Variants in RAPGEF1 observed in about 807,000 individuals in gnomAD.
The protein encoded by RAPGEF1 is Rap guanine nucleotide exchange factor 1.
A neutral mutation model predicts 143.3 loss-of-function variants in RAPGEF1; 33 were observed. The observed-to-expected ratio is 0.23, with a 90% CI of 0.17 to 0.31. The LOEUF is 0.31. RAPGEF1 is among the 10% of genes least tolerant of loss of function. RAPGEF1 has a pLI of 1.00. For synonymous variants in RAPGEF1, 629 were observed against 676.5 expected (o/e 0.93, Z 1.09); for missense variants, 1,199 against 1,645.4 (o/e 0.73, Z 4.69).
chr9:131,652,527 TA>T (rs1200184337), intron 1 of RAPGEF1, among the ~76,000 whole-genome samples: 6 of 152,168 alleles, frequency 3.9e-5, no homozygotes, highest in African/African-American at 1.4e-4. Flanking sequence ...AAAAAATTAT[TA>T]TTTTTTTTTC....
At chr9:131,607,076 C>A (rs1957236779) in intron 12 of RAPGEF1, among the ~76,000 whole-genome samples, 1 of 152,228 alleles carries the variant, frequency 6.6e-6, no homozygotes, top group East Asian at 1.9e-4. Context: ...CCTCATCTCA[C>A]TCCTGTGATC....
In RAPGEF1 at chr9:131,588,816, C is replaced by T. The variant is rs779647493; in HGVS notation, c.3038G>A (p.Arg1013Gln). 5 of 1,612,840 alleles carry T rather than the reference C, an allele frequency of 3.1e-6. No individual in the cohort carries two copies. Among genetic ancestry groups the T allele is most frequent in the Middle Eastern group, 1.7e-4 (1 of 6,048 alleles). ...CATSSQPLAA[R>Q]GVAARPGTLH... ...GGCTTCTCACCTGGCTGCTACCCCC[C>T]GGGCTGCCAGGGGCTGGCTGGAGGT... The change falls in exon 20 of 27, where the codon CGG (arginine) becomes CAG (glutamine). Residue 1013 changes from arginine (R) to glutamine (Q), a missense_variant. Around this residue, in one of 6 missense-constraint regions of RAPGEF1, gnomAD observed 209 missense variants for 403.0 expected, o/e 0.52. Transcript: ENST00000683357.
In RAPGEF1 at chr9:131,667,249, C is replaced by A. The variant is rs113480821; in HGVS notation, c.62-16300G>T. ...CAGTGATCTGCCTGCCTCGGCCTCCCCAAAGTGCTGGGATTACAGGTGTGA... is the reference window on the plus strand; with the variant it reads ...CAGTGATCTGCCTGCCTCGGCCTCCACAAAGTGCTGGGATTACAGGTGTGA... On this transcript the variant is annotated intron_variant, in intron 1 of 26. Transcript: ENST00000683357. This position sits in a 1 kb window ranked among gnomAD's most constrained non-coding sequence, Gnocchi z 4.6. Among the ~76,000 whole-genome samples, 114 of 152,270 alleles carry A rather than the reference C, an allele frequency of 7.5e-4. No homozygotes were observed. The highest frequency in any genetic ancestry group is 2.5e-3 in the African/African-American group (104 of 41,548).
At chr9:131,719,411 A>G (rs1836094841) in intron 1 of RAPGEF1, among the ~76,000 whole-genome samples, 2 of 152,144 alleles carry the variant, frequency 1.3e-5, no homozygotes, top group African/African-American at 4.8e-5. Flanking sequence ...TTATACTACT[A>G]GAAAAGTCTT....
intron 1 of RAPGEF1, among the ~76,000 whole-genome samples, chr9:131,681,685 T>C (rs1832922030): frequency 2.0e-5 from 3 of 152,206 alleles, no homozygotes; most frequent in Admixed American, 2.0e-4. Context: ...TTAATATAAC[T>C]GCGCACCAGC....
At chr9:131,704,111 G>T (rs967036715) in intron 1 of RAPGEF1, among the ~76,000 whole-genome samples, 3 of 151,912 alleles carry the variant, frequency 2.0e-5, no homozygotes, top group Non-Finnish European at 4.4e-5. Context: ...CTCATTTAGA[G>T]ATCAAGACAC....
At chr9:131,616,945 A>C (rs1959099971) in intron 12 of RAPGEF1, among the ~76,000 whole-genome samples, 1 of 152,186 alleles carries the variant, frequency 6.6e-6, no homozygotes, top group Non-Finnish European at 1.5e-5. Flanking sequence ...CCTTTTAATG[A>C]CATAAGGACC....
At chr9:131,582,539 G>T in intron 25 of RAPGEF1, 66 bp downstream of exon 25, 2 of 1,172,590 alleles carry the variant, frequency 1.7e-6, no homozygotes, top group Non-Finnish European at 2.3e-6. Flanking sequence ...GAGCCTGACA[G>T]ATCTTCCCCA....
intron 12 of RAPGEF1, among the ~76,000 whole-genome samples, chr9:131,613,618 G>T (rs1189154994): frequency 1.3e-5 from 2 of 152,174 alleles, no homozygotes; most frequent in Non-Finnish European, 2.9e-5. Context: ...GTGGGATTGG[G>T]ACAAGAGGGG....
intron 1 of RAPGEF1, among the ~76,000 whole-genome samples, chr9:131,657,738 G>A (rs1246836092): frequency 6.6e-6 from 1 of 152,204 alleles, no homozygotes; most frequent in Non-Finnish European, 1.5e-5. Context: ...TCGAGAAGCG[G>A]ATGGATTCCA....
intron 19 of RAPGEF1, among the ~76,000 whole-genome samples, chr9:131,589,263 A>T (rs143745220): frequency 6.6e-6 from 1 of 152,324 alleles, no homozygotes; most frequent in Non-Finnish European, 1.5e-5. Flanking sequence ...CTGCAGGGAC[A>T]AGTCCTACAC....
At chr9:131,585,367 G>GGC (rs150564825) in intron 22 of RAPGEF1, among the ~76,000 whole-genome samples, 1 of 134,288 alleles carries the variant, frequency 7.4e-6, no homozygotes, top group Non-Finnish European at 1.5e-5. Context: ...TTTGTAGGGG[G>GGC]GGGGCGTCTC....
chr9:131,732,962 T>A (rs1837177478), intron 1 of RAPGEF1, among the ~76,000 whole-genome samples: 1 of 152,184 alleles, frequency 6.6e-6, no homozygotes, highest in Non-Finnish European at 1.5e-5. Flanking sequence ...TGAAACATCA[T>A]TCTACTCAAG....
At chr9:131,635,888 G>A (rs996803811) in intron 5 of RAPGEF1, among the ~76,000 whole-genome samples, 4 of 152,216 alleles carry the variant, frequency 2.6e-5, no homozygotes, top group Non-Finnish European at 5.9e-5. Flanking sequence ...AGTGAGGACA[G>A]TGTACAAAAA....
intron 1 of RAPGEF1, among the ~76,000 whole-genome samples, chr9:131,722,908 C>A (rs755733063): frequency 4.6e-5 from 7 of 151,938 alleles, no homozygotes; most frequent in Non-Finnish European, 5.9e-5. Context: ...AACAACGGGG[C>A]GGGGGGCAGG....
At chr9:131,706,310 T>C (rs575030659) in intron 1 of RAPGEF1, among the ~76,000 whole-genome samples, 24 of 152,202 alleles carry the variant, frequency 1.6e-4, no homozygotes, top group Middle Eastern at 3.4e-3. Context: ...TCACCCAGGC[T>C]GGAGTGCAAT....
chr9:131,712,079 G>C (rs904789821), intron 1 of RAPGEF1, among the ~76,000 whole-genome samples: 1 of 152,152 alleles, frequency 6.6e-6, no homozygotes, highest in African/African-American at 2.4e-5. Context: ...ACTTGGCAAA[G>C]CAAATGGCAT....
intron 1 of RAPGEF1, among the ~76,000 whole-genome samples, chr9:131,710,122 G>A (rs531238238): frequency 6.6e-6 from 1 of 152,172 alleles, no homozygotes; most frequent in African/African-American, 2.4e-5. Flanking sequence ...CCATTCTGGG[G>A]CATGCCAGGA....
intron 1 of RAPGEF1, among the ~76,000 whole-genome samples, chr9:131,722,439 G>C (rs1836333656): frequency 6.6e-6 from 1 of 152,226 alleles, no homozygotes; most frequent in Non-Finnish European, 1.5e-5. Context: ...TGCTGCTGAT[G>C]GATCCAGGCA....
Sources: allele counts gnomAD v4.1 joint callset (sites outside exome capture counted in the v4.1 genomes callset), GRCh38; gene constraint gnomAD v4.1.1; regional missense constraint gnomAD v4.1.1; non-coding constraint Gnocchi (gnomAD v3.1); transcripts MANE v1.5; gene names NCBI Gene and HGNC (gene_info 2026-07-23, HGNC 2026-07-21).